The following USPL1 variants were observed in gnomAD, a reference collection of about 807,000 sequenced individuals.
USPL1 encodes the protein ubiquitin specific peptidase like 1, also known as SUMO-specific isopeptidase USPL1.
A neutral mutation model predicts 51.5 loss-of-function variants in USPL1; 27 were observed. The ratio of observed to expected loss-of-function variants is 0.52; its 90% CI spans 0.39 to 0.72. The LOEUF (loss-of-function observed/expected upper bound fraction) is 0.72, where lower values mean the gene tolerates loss of function less well. Ranked by LOEUF, USPL1 falls within the 30% of genes least tolerant of loss-of-function variation. The pLI is 0.00. For missense variants in USPL1, 1,226 were observed against 1,268.0 expected, an observed-to-expected ratio of 0.97 and a Z score of 0.50; for synonymous variants, 451 against 459.6, an observed-to-expected ratio of 0.98 and a Z score of 0.24.
chr13:30,621,059 C>G lies in USPL1; in HGVS notation c.-68-14C>G. 1 of 1,130,670 alleles carries G rather than the reference C, an allele frequency of 8.8e-7. No homozygotes were observed. The highest frequency in any genetic ancestry group is 2.5e-5 in the East Asian group (1 of 40,148). The allele number at this position is 1,130,670 out of a possible 1,614,324, so 70.0% of individuals were successfully genotyped here. On this transcript the variant is annotated splice_polypyrimidine_tract_variant and intron_variant, in intron 1 of 8. Coordinates refer to ENST00000255304, the MANE Select transcript of USPL1 (RefSeq NM_005800.5). ...GAATTTTTATTTAATTGTCTATTGACTTTTTTTTTCCAGGGTTCATTGAAA... is the reference window on the plus strand; with the variant it reads ...GAATTTTTATTTAATTGTCTATTGAGTTTTTTTTTCCAGGGTTCATTGAAA...
chr13:30,646,246 A>G (rs1391489131), intron 6 of USPL1, among the ~76,000 whole-genome samples: 1 of 152,204 alleles, frequency 6.6e-6, no homozygotes, highest in African/African-American at 2.4e-5. Flanking sequence ...TTTAAAGGTC[A>G]TCTTTTTAGA....
chr13:30,630,705 A>G, intron 3 of USPL1, 130 bp from the exon 4 acceptor site: 1 of 1,004,520 alleles, frequency 1.0e-6, no homozygotes, highest in Non-Finnish European at 1.4e-6. Context: ...TTTCAAATTT[A>G]TGTGTATAAA....
intron 8 of USPL1, among the ~76,000 whole-genome samples, chr13:30,654,433 A>G (rs1310827501): frequency 2.0e-5 from 3 of 149,156 alleles, no homozygotes; most frequent in African/African-American, 7.5e-5. Context: ...GCATCTCACT[A>G]TATTGCCCAG....
At chr13:30,655,197 G>A (rs1593394243) in intron 8 of USPL1, among the ~76,000 whole-genome samples, 1 of 152,102 alleles carries the variant, frequency 6.6e-6, no homozygotes, top group Non-Finnish European at 1.5e-5. Context: ...TCGGCCTCCC[G>A]AAGTGCTGGG....
chr13:30,638,144 T>C (rs113527756), intron 5 of USPL1, among the ~76,000 whole-genome samples: 5 of 152,320 alleles, frequency 3.3e-5, no homozygotes, highest in East Asian at 1.9e-4. Context: ...GTACGTTTCC[T>C]AGTAGACAGA....
chr13:30,656,263 T>C (rs1304844903), intron 8 of USPL1, among the ~76,000 whole-genome samples: 1 of 152,214 alleles, frequency 6.6e-6, no homozygotes, highest in Non-Finnish European at 1.5e-5. Flanking sequence ...CATTTGTAAG[T>C]GTACAATTCA....
intron 3 of USPL1, among the ~76,000 whole-genome samples, chr13:30,626,009 A>C (rs1328103595): frequency 2.6e-5 from 4 of 152,170 alleles, no homozygotes; most frequent in Non-Finnish European, 4.4e-5. Context: ...CAAAATAAAA[A>C]ATGCCAGAAA....
In USPL1 at chr13:30,659,338, T is replaced by C. The variant is rs751532109; in HGVS notation, c.3261T>C (p.Tyr1087=). The change falls in exon 9 of 9, where the codon TAT becomes TAC. Residue 1087 remains tyrosine (Y), a synonymous_variant. Coordinates refer to ENST00000255304, the MANE Select transcript of USPL1 (RefSeq NM_005800.5). ...DTLDLPHFDE[Y]LFENY ...TAGACCTACCTCATTTCGATGAATA[T>C]CTGTTTGAGAATTATTGAATTAATG... is the stretch of plus-strand genomic sequence containing the variant. The C allele has an allele frequency of 6.3e-7, 1 of 1,594,756 alleles. No individual in the cohort carries two copies. The highest frequency in any genetic ancestry group is 8.5e-7 in the Non-Finnish European group (1 of 1,171,198).
intron 2 of USPL1, among the ~76,000 whole-genome samples, chr13:30,621,553 A>G (rs1288582589): frequency 1.3e-5 from 2 of 152,114 alleles, no homozygotes; most frequent in Admixed American, 6.5e-5. Flanking sequence ...ATAAAATTTA[A>G]TATTTAAAAC....
intron 7 of USPL1, among the ~76,000 whole-genome samples, chr13:30,648,047 C>A (rs1951041344): frequency 6.6e-6 from 1 of 152,184 alleles, no homozygotes; most frequent in Non-Finnish European, 1.5e-5. Flanking sequence ...ACACCAACAC[C>A]TGGGCCCCAT....
chr13:30,657,768 C>G lies in USPL1; in HGVS notation c.1691C>G (p.Thr564Arg), dbSNP rs1442912647. ...GCCCCTCGTACTCTTTCACAGGACA[C>G]AGCTGTAACTCATGGAGATCATTTA... ...SVAPRTLSQD[T>R]AVTHGDHLLS... The change falls in exon 9 of 9, where the codon ACA becomes AGA. Residue 564 changes from threonine (T) to arginine (R), a missense_variant. Physicochemically the swap from Thr to Arg is moderately conservative, Grantham distance 71. Coordinates refer to ENST00000255304, the MANE Select transcript of USPL1 (RefSeq NM_005800.5). 1.9e-6 allele frequency: 3 copies of G among 1,614,176 alleles called. No individual in the cohort carries two copies. The Admixed American group carries it at 5.0e-5, about 27-fold the overall frequency.
chr13:30,647,533 G>C (rs1415492339), intron 7 of USPL1, among the ~76,000 whole-genome samples: 3 of 152,140 alleles, frequency 2.0e-5, no homozygotes, highest in South Asian at 2.1e-4. Flanking sequence ...TATTTTCATT[G>C]TATTTTGCCA....
In USPL1 at chr13:30,658,793, C is replaced by G. The variant is rs149051679; in HGVS notation, c.2716C>G (p.Leu906Val). ...GGCAGAAAAGAAGAAATTAGCTGCT[C>G]TTATGTCTTCCCCGCAAAGCAGAAC... ...LKAEKKKLAA[L>V]MSSPQSRTVR... Residue 906 changes from leucine to valine, a missense_variant, in exon 9 of 9, where the codon CTT becomes GTT. Transcript: ENST00000255304. The G allele has an allele frequency of 7.4e-6, 12 of 1,613,908 alleles. No homozygotes were observed. In the African/African-American group the frequency reaches 1.5e-4, roughly 20 times the overall value.
chr13:30,620,974 T>A, intron 1 of USPL1, 99 bp from the exon 2 acceptor site: 1 of 551,090 alleles, frequency 1.8e-6, no homozygotes, highest in Non-Finnish European at 3.1e-6. Flanking sequence ...CATATAGCCC[T>A]CAAAATCTGC....
At chr13:30,652,998 A>T (rs1951110734) in intron 7 of USPL1, 150 bp from the exon 8 acceptor site, 2 of 666,068 alleles carry the variant, frequency 3.0e-6, no homozygotes, top group African/African-American at 3.6e-5. Context: ...TCCATTTCTA[A>T]TTAAGGCACA....
At position 30,625,470 on chromosome 13, in the gene USPL1, G is replaced by A. The variant is rs1463374510; in HGVS notation, c.228+3578G>A. ...TTTTTTTTTTTTTTTTTTTTGAGAC[G>A]GAGTCTCGCTCTGTCACGAGGCTGG... On this transcript the variant is annotated intron_variant, in intron 3 of 8. Coordinates refer to ENST00000255304, the MANE Select transcript of USPL1 (RefSeq NM_005800.5). 7.9e-4 allele frequency among the ~76,000 whole-genome samples: 110 copies of A among 139,474 alleles called. 1 individual carries two copies. The highest frequency in any genetic ancestry group is 9.6e-4 in the Admixed American group (13 of 13,592). 91.5% of individuals were successfully genotyped at this position (139,474 alleles called of 152,430 possible). A position where few individuals can be genotyped will look rare whatever the true frequency, so the allele number is the denominator to read the frequency against.
intron 8 of USPL1, among the ~76,000 whole-genome samples, chr13:30,656,344 C>T (rs1205966393): frequency 2.6e-5 from 4 of 152,172 alleles, no homozygotes; most frequent in African/African-American, 4.8e-5. Context: ...ACAGAAACTA[C>T]TCATTAAACA....
rs1338696366 is a variant in USPL1 at position 30,658,271 on chromosome 13, G to A, written c.2194G>A (p.Ala732Thr). 1 of 1,613,570 alleles carries A rather than the reference G, an allele frequency of 6.2e-7. No individual in the cohort carries two copies. Among genetic ancestry groups the A allele is most frequent in the Non-Finnish European group, 8.5e-7 (1 of 1,179,934 alleles). The change falls in exon 9 of 9, where the codon GCA becomes ACA. Residue 732 changes from alanine to threonine, a missense_variant. Physicochemically the swap from Ala to Thr is moderately conservative, Grantham distance 58. Coordinates refer to ENST00000255304, the MANE Select transcript of USPL1 (RefSeq NM_005800.5). ...VSNLKKKETT[A>T]DSQTTTSKSL... ...TAATTTGAAGAAAAAAGAAACTACA[G>A]CAGATTCTCAAACCACAACATCTAA...
chr13:30,630,790 T>A, intron 3 of USPL1, 45 bp from the exon 4 acceptor site: 4 of 1,507,930 alleles, frequency 2.7e-6, no homozygotes, highest in Non-Finnish European at 2.7e-6. Flanking sequence ...AACATGAAGT[T>A]ATTTGAATTT....
Sources: gnomAD v4.1 joint callset for allele counts (sites outside exome capture counted in the v4.1 genomes callset) on GRCh38, gnomAD v4.1.1 for gene constraint, MANE v1.5 for transcripts, NCBI Gene and HGNC (gene_info 2026-07-23, HGNC 2026-07-21) for gene names.